GNG12: variants seen among roughly 807,000 people sequenced by gnomAD.
GNG12 encodes G protein subunit gamma 12, also known as guanine nucleotide-binding protein G(I)/G(S)/G(O) subunit gamma-12.
For missense variants in GNG12, 69 were observed against 83.8 expected (o/e 0.82, Z 0.69); for synonymous variants, 28 against 29.7 (o/e 0.94, Z 0.19).
chr1:67,710,138 TTATATATA>T (rs57196949), intron 2 of GNG12, among the ~76,000 whole-genome samples: 1 of 5,920 alleles, frequency 1.7e-4, no homozygotes, highest in African/African-American at 5.6e-4. Context: ...ATATATATAG[TTATATATA>T]TATAGTTATA....
At chr1:67,741,750 A>T (rs973564000) in intron 2 of GNG12, among the ~76,000 whole-genome samples, 2 of 152,242 alleles carry the variant, frequency 1.3e-5, no homozygotes, top group African/African-American at 2.4e-5. Context: ...CATTTGGAGG[A>T]CTGAATTTGG....
chr1:67,770,690 G>T (rs545266405), intron 2 of GNG12, among the ~76,000 whole-genome samples: 1 of 152,116 alleles, frequency 6.6e-6, no homozygotes, highest in African/African-American at 2.4e-5. Context: ...CCTGGAGAAG[G>T]CCATGGAGGC....
chr1:67,782,623 T>C (rs958352265), intron 1 of GNG12, among the ~76,000 whole-genome samples: 7 of 152,160 alleles, frequency 4.6e-5, no homozygotes, highest in African/African-American at 1.7e-4. Flanking sequence ...TGCAGATAAG[T>C]TGGGGGAAAA....
intron 2 of GNG12, among the ~76,000 whole-genome samples, chr1:67,766,839 G>A (rs1008845668): frequency 5.9e-5 from 9 of 152,076 alleles, no homozygotes; most frequent in South Asian, 2.1e-4. Context: ...GCAGTTCCTC[G>A]CTGGGCCTCG....
At chr1:67,785,750 A>G (rs1222746343) in intron 1 of GNG12, among the ~76,000 whole-genome samples, 2 of 152,182 alleles carry the variant, frequency 1.3e-5, no homozygotes, top group Non-Finnish European at 2.9e-5. Flanking sequence ...ATCATGAGAC[A>G]CTTCTAATGC....
At position 67,786,386 on chromosome 1, in the gene GNG12, A is replaced by C. The variant is rs559356356; in HGVS notation, c.-76-8879T>G. ...AAATTAAGACCTAACACTAAATTGG[A>C]CGGTGGTCCCCAGATAGAGAGGATG... On this transcript the variant is annotated intron_variant, in intron 1 of 3. Coordinates refer to ENST00000370982, the MANE Select transcript of GNG12 (RefSeq NM_018841.6). Among the ~76,000 whole-genome samples the C allele has an allele frequency of 4.4e-3, 670 of 152,250 alleles. 5 individuals carry two copies. Among genetic ancestry groups the C allele is most frequent in the African/African-American group, 0.015 (639 of 41,548 alleles).
At chr1:67,790,850 G>A (rs1031440434) in intron 1 of GNG12, among the ~76,000 whole-genome samples, 3 of 152,046 alleles carry the variant, frequency 2.0e-5, no homozygotes, top group African/African-American at 4.8e-5. Flanking sequence ...TCCTGACCTC[G>A]TGATCTACCC....
intron 2 of GNG12, among the ~76,000 whole-genome samples, chr1:67,773,828 G>A (rs1353113306): frequency 3.3e-5 from 5 of 152,284 alleles, no homozygotes; most frequent in African/African-American, 1.2e-4. Context: ...GCATCAAGAC[G>A]GTCATGACAA....
chr1:67,799,883 A>G (rs1646854111), intron 1 of GNG12, among the ~76,000 whole-genome samples: 1 of 152,178 alleles, frequency 6.6e-6, no homozygotes, highest in African/African-American at 2.4e-5. Flanking sequence ...AATAGGAGAC[A>G]GCTGGTTTTT....
chr1:67,716,552 T>C (rs1646326995), intron 2 of GNG12, among the ~76,000 whole-genome samples: 1 of 152,212 alleles, frequency 6.6e-6, no homozygotes, highest in Non-Finnish European at 1.5e-5. Flanking sequence ...AAAAAATTCT[T>C]GCCCAAGATC....
At chr1:67,826,749 C>T (rs998651098) in intron 1 of GNG12, among the ~76,000 whole-genome samples, 2 of 152,148 alleles carry the variant, frequency 1.3e-5, no homozygotes, top group African/African-American at 4.8e-5. Flanking sequence ...TTCCTCTTTC[C>T]ACCCTTAGAT....
intron 2 of GNG12, among the ~76,000 whole-genome samples, chr1:67,740,381 AT>A (rs1402869282): frequency 1.3e-5 from 2 of 152,202 alleles, no homozygotes; most frequent in Non-Finnish European, 2.9e-5. Flanking sequence ...TTGGCTGATG[AT>A]TTTTGTAAAT....
intron 2 of GNG12, among the ~76,000 whole-genome samples, chr1:67,720,562 T>C (rs1023045806): frequency 9.9e-5 from 15 of 152,222 alleles, no homozygotes; most frequent in Admixed American, 8.5e-4. Context: ...TTATTTAATA[T>C]TGAAAACAAA....
chr1:67,766,106 G>GCGCACACA (rs1237928914), intron 2 of GNG12, among the ~76,000 whole-genome samples: 3 of 139,936 alleles, frequency 2.1e-5, no homozygotes, highest in South Asian at 4.7e-4. Context: ...AGGCACACAC[G>GCGCACACA]CACACACACA....
intron 1 of GNG12, among the ~76,000 whole-genome samples, chr1:67,811,795 C>T (rs1251762344): frequency 1.5e-5 from 2 of 130,534 alleles, no homozygotes; most frequent in African/African-American, 2.5e-5. Context: ...TGAGGCTCAG[C>T]AGTAAGCAGT....
chr1:67,798,451 T>C (rs1170407089), intron 1 of GNG12, among the ~76,000 whole-genome samples: 1 of 152,102 alleles, frequency 6.6e-6, no homozygotes, highest in Admixed American at 6.5e-5. Context: ...CACTGCTGTA[T>C]TGAAATATTT....
At chr1:67,822,632 T>C (rs1008363780) in intron 1 of GNG12, among the ~76,000 whole-genome samples, 9 of 152,108 alleles carry the variant, frequency 5.9e-5, no homozygotes, top group Non-Finnish European at 2.9e-5. Context: ...GAAGATAAAA[T>C]TTTTCCTTTG....
chr1:67,824,182 T>C (rs567549070), intron 1 of GNG12, among the ~76,000 whole-genome samples: 1 of 152,298 alleles, frequency 6.6e-6, no homozygotes, highest in South Asian at 2.1e-4. Flanking sequence ...TTTTTGAATT[T>C]GAAAACTTTT....
At position 67,709,956 on chromosome 1, in the gene GNG12, A is replaced by ATATAGT. The variant is rs1557591992; in HGVS notation, c.-26-2250_-26-2245dup. Among the ~76,000 whole-genome samples the ATATAGT allele has an allele frequency of 2.6e-4, 11 of 43,082 alleles. 1 individual carries two copies. The highest frequency in any genetic ancestry group is 7.4e-4 in the African/African-American group (9 of 12,102). 28.3% of individuals were successfully genotyped at this position (43,082 alleles called of 152,430 possible). A position where few individuals can be genotyped will look rare whatever the true frequency, so the allele number is the denominator to read the frequency against. ...TATAGTTATATATATATAGTTATAT[A>ATATAGT]TATAGTTATATATATAGTTATATAT... is the stretch of plus-strand genomic sequence containing the variant. On this transcript the variant is annotated intron_variant, in intron 2 of 3. Coordinates refer to ENST00000370982, the MANE Select transcript of GNG12 (RefSeq NM_018841.6).
Sources: allele counts gnomAD v4.1 joint callset (sites outside exome capture counted in the v4.1 genomes callset), GRCh38; gene constraint gnomAD v4.1.1; transcripts MANE v1.5; gene names NCBI Gene and HGNC (gene_info 2026-07-23, HGNC 2026-07-21).